Variants in ZNF329 observed in about 807,000 individuals in gnomAD.
The protein encoded by ZNF329 is zinc finger protein 329.
In ZNF329, 15 loss-of-function variants were observed where a neutral mutation model predicts 26.6. That is an observed-to-expected ratio of 0.56 (90% CI 0.38 to 0.87). ZNF329 has a LOEUF of 0.87. Ranked by LOEUF, ZNF329 falls within the 40% of genes least tolerant of loss-of-function variation. The pLI is 0.00. For synonymous variants in ZNF329, 239 were observed against 233.5 expected (o/e 1.02, Z -0.21); for missense variants, 651 against 651.9 (o/e 1.00, Z 0.02).
At chr19:58,150,236 A>G (rs895289089) in intron 1 of ZNF329, among the ~76,000 whole-genome samples, 3 of 152,238 alleles carry the variant, frequency 2.0e-5, no homozygotes, top group African/African-American at 7.2e-5. Context: ...ATCAAATGGA[A>G]AAACACACAG....
At position 58,146,958 on chromosome 19, in the gene ZNF329, C is replaced by T. The variant is rs1015062194; in HGVS notation, c.-207-3760G>A. Among the ~76,000 whole-genome samples, 8 of 152,308 alleles carry T rather than the reference C, an allele frequency of 5.3e-5. 1 individual carries two copies. Among genetic ancestry groups the T allele is most frequent in the African/African-American group, 1.9e-4 (8 of 41,540 alleles). On this transcript the variant is annotated intron_variant, in intron 1 of 3. Transcript: ENST00000598312. ...TCCCAAAGTGCCGAGAGTGCAGCCT[C>T]TGCCCGGCCGCCACCCTGTCTGGGA...
Position 58,129,094 on chromosome 19 carries a change from T to C in ZNF329, c.410A>G (p.His137Arg), listed in dbSNP as rs767709575. 2 of 1,613,936 alleles carry C rather than the reference T, an allele frequency of 1.2e-6. No individual in the cohort carries two copies. Among genetic ancestry groups the C allele is most frequent in the Admixed American group, 3.3e-5 (2 of 60,000 alleles). The part of the protein sequence containing the change: ...KGFNHSMEVI[H>R]GRNPVREKPY... The stretch of plus-strand genomic sequence containing the variant: ...CTTCTCTCTCACTGGATTTCTTCCA[T>C]GAATAACTTCCATGGAATGGTTGAA... The change falls in exon 4 of 4, where the codon CAT (histidine) becomes CGT (arginine). Residue 137 changes from histidine (H) to arginine (R), a missense_variant. By Grantham distance (29) the His-to-Arg change is conservative (BLOSUM62 0). Transcript: ENST00000598312.
chr19:58,151,403 C>T (rs908813385), upstream of ZNF329, among the ~76,000 whole-genome samples: 7 of 152,030 alleles, frequency 4.6e-5, no homozygotes, highest in African/African-American at 7.2e-5. Context: ...GAGTTTGAGA[C>T]CAGCCTGGCC....
intron 3 of ZNF329, chr19:58,137,170 GA>G: frequency 6.6e-6 from 1 of 152,064 alleles, no homozygotes; most frequent in East Asian, 1.9e-4. Context: ...AAAGAAGACC[GA>G]AGACTAGTGA....
intron 1 of ZNF329, among the ~76,000 whole-genome samples, chr19:58,148,396 A>G (rs2075374556): frequency 6.7e-6 from 1 of 148,250 alleles, no homozygotes; most frequent in Non-Finnish European, 1.5e-5. Context: ...TCAATTAAAA[A>G]AAAAAAAAAA....
chr19:58,137,281 C>T lies in ZNF329; in HGVS notation c.-9+5276G>A, dbSNP rs536236588. Among the ~76,000 whole-genome samples the T allele has an allele frequency of 4.6e-5, 7 of 152,146 alleles. No homozygotes were observed. The South Asian group carries it at 6.2e-4, about 14-fold the overall frequency. The stretch of plus-strand genomic sequence containing the variant: ...TAAAAATCACAGCAGAGGCTGGGCA[C>T]GGCGGCTCACACCTATAATCCCAGC... On this transcript the variant is annotated intron_variant, in intron 3 of 3. Coordinates refer to ENST00000598312, the MANE Select transcript of ZNF329 (RefSeq NM_024620.4).
intron 3 of ZNF329, chr19:58,137,073 AAC>A (rs2075088107): frequency 1.2e-5 from 2 of 161,132 alleles, no homozygotes; most frequent in African/African-American, 2.4e-5. Flanking sequence ...AAAAAAAAAA[AAC>A]AGTTTAAACA....
intron 3 of ZNF329, among the ~76,000 whole-genome samples, chr19:58,138,449 A>G (rs1568666817): frequency 6.6e-6 from 1 of 152,224 alleles, no homozygotes; most frequent in Non-Finnish European, 1.5e-5. Flanking sequence ...TGCTATGTAC[A>G]CAGCATTCAG....
Position 58,129,261 on chromosome 19 carries a change from C to T in ZNF329, c.243G>A (p.Pro81=), listed in dbSNP as rs149017724. 291 of 1,614,074 alleles carry T rather than the reference C, an allele frequency of 1.8e-4. No homozygotes were observed. Among genetic ancestry groups the T allele is most frequent in the Non-Finnish European group, 2.2e-4 (254 of 1,180,050 alleles). Residue 81 remains proline (P), a synonymous_variant, in exon 4 of 4, where the codon CCG becomes CCA. Coordinates refer to ENST00000598312, the MANE Select transcript of ZNF329 (RefSeq NM_024620.4). ...EHLIASSDLP[P]SQRVLATNGF... is the part of the protein sequence containing the mutation. The stretch of plus-strand genomic sequence containing the variant: ...CATTTGTTGCCAGAACTCTCTGAGA[C>T]GGTGGAAGGTCTGAGCTTGCAATCA...
intron 1 of ZNF329, among the ~76,000 whole-genome samples, chr19:58,144,575 G>A (rs906669739): frequency 2.0e-5 from 3 of 151,740 alleles, no homozygotes. Flanking sequence ...TTTTAATAGA[G>A]ATGGGGTTTC....
rs1316170231 is a variant in ZNF329 at position 58,147,081 on chromosome 19, GC to G, written c.-208+3670del. Among the ~76,000 whole-genome samples the G allele has an allele frequency of 2.0e-5, 3 of 151,630 alleles. No homozygotes were observed. The East Asian group carries it at 5.8e-4, about 30-fold the overall frequency. On this transcript the variant is annotated intron_variant, in intron 1 of 3. Transcript: ENST00000598312. ...GGAAAGTGAGGAGCGTCTCTGCCCGGCCGCCATCCCATCTAGGAAGTGAGGA... is the reference window on the plus strand; with the variant it reads ...GGAAAGTGAGGAGCGTCTCTGCCCGGCGCCATCCCATCTAGGAAGTGAGGA...
chr19:58,146,762 A>G (rs1186763704), intron 1 of ZNF329, among the ~76,000 whole-genome samples: 11 of 152,016 alleles, frequency 7.2e-5, no homozygotes, highest in African/African-American at 9.7e-5. Flanking sequence ...TGTGTTGGCC[A>G]GGCTGGTCTC....
chr19:58,147,092 A>G (rs1191685342), intron 1 of ZNF329, among the ~76,000 whole-genome samples: 2 of 142,918 alleles, frequency 1.4e-5, no homozygotes, highest in Non-Finnish European at 3.0e-5. Flanking sequence ...CCGCCATCCC[A>G]TCTAGGAAGT....
At chr19:58,143,656 C>G (rs994706890) in intron 1 of ZNF329, among the ~76,000 whole-genome samples, 1 of 152,048 alleles carries the variant, frequency 6.6e-6, no homozygotes, top group African/African-American at 2.4e-5. Context: ...CACACATTAG[C>G]AAAAGTAAGT....
chr19:58,128,911 G>A lies in ZNF329; in HGVS notation c.593C>T (p.Pro198Leu). ...AGTACATCTATATTGTTTCTCTCCA[G>A]GGAGATTTCTCTGGTTTTCATTAAG... ...SSLNENQRNL[P>L]GEKQYRCTEC... The change falls in exon 4 of 4, where the codon CCT becomes CTT. Residue 198 changes from proline (P) to leucine (L), a missense_variant. Pro to Leu is a moderately conservative substitution (Grantham distance 98). Transcript: ENST00000598312. The A allele has an allele frequency of 2.5e-6, 4 of 1,614,066 alleles. No homozygotes were observed. Among genetic ancestry groups the A allele is most frequent in the Non-Finnish European group, 3.4e-6 (4 of 1,180,006 alleles).
intron 1 of ZNF329, among the ~76,000 whole-genome samples, chr19:58,145,314 CT>C (rs71188087): frequency 0.022 from 2,334 of 106,120 alleles, 9 homozygotes; most frequent in African/African-American, 0.073. Context: ...TTTTTTCTTC[CT>C]TTTTTTTTTT....
chr19:58,148,038 T>C (rs1173431526), intron 1 of ZNF329, among the ~76,000 whole-genome samples: 2 of 152,072 alleles, frequency 1.3e-5, no homozygotes, highest in Non-Finnish European at 2.9e-5. Context: ...TTCATTTTGT[T>C]CTGTACTAAG....
chr19:58,144,700 T>A (rs2075267744), intron 1 of ZNF329, among the ~76,000 whole-genome samples: 1 of 150,380 alleles, frequency 6.6e-6, no homozygotes, highest in African/African-American at 2.5e-5. Flanking sequence ...AGAATTTTTT[T>A]TTTTTTTTTT....
At chr19:58,135,925 T>C (rs116814156) in intron 3 of ZNF329, among the ~76,000 whole-genome samples, 2 of 152,072 alleles carry the variant, frequency 1.3e-5, no homozygotes, top group African/African-American at 4.8e-5. Flanking sequence ...GAAAACCTGA[T>C]AGAAATTACA....
Sources: allele counts gnomAD v4.1 joint callset (sites outside exome capture counted in the v4.1 genomes callset), GRCh38; gene constraint gnomAD v4.1.1; transcripts MANE v1.5; gene names NCBI Gene and HGNC (gene_info 2026-07-23, HGNC 2026-07-21).